The following ANKMY1 variants were observed in gnomAD, a reference collection of about 807,000 sequenced individuals.
ANKMY1 encodes the protein ankyrin repeat and MYND domain-containing protein 1.
Under a neutral mutation model 102.0 loss-of-function variants are expected in ANKMY1, and 98 were observed. The ratio of observed to expected loss-of-function variants is 0.96; its 90% CI spans 0.82 to 1.14. The LOEUF (loss-of-function observed/expected upper bound fraction) is 1.14. Among genes scored for constraint, ANKMY1 ranks in the 50% most tolerant of loss-of-function variants. The pLI, the probability that ANKMY1 is intolerant of heterozygous loss-of-function variation, is 0.00. For missense variants in ANKMY1, 1,330 were observed against 1,347.6 expected, an observed-to-expected ratio of 0.99 and a Z score of 0.20; for synonymous variants, 582 against 559.9, an observed-to-expected ratio of 1.04 and a Z score of -0.56.
Position 240,520,498 on chromosome 2 carries a change from A to T in ANKMY1, c.1868T>A (p.Leu623Gln), listed in dbSNP as rs999097400. The T allele has an allele frequency of 3.7e-6, 6 of 1,613,190 alleles. No individual in the cohort carries two copies. The highest frequency in any genetic ancestry group is 5.1e-6 in the Non-Finnish European group (6 of 1,179,680). ...RKRWRTIKLL[L>Q]RRGADPNLCC... ...CAGGTTGGGGTCCGCGCCCCGGCGC[A>T]GCAGCAGCTTGATGGTCCGCCAGCG... Residue 623 changes from leucine to glutamine, a missense_variant, in exon 9 of 18, where the codon CTG becomes CAG. Physicochemically the swap from Leu to Gln is moderately radical, Grantham distance 113. Transcript: ENST00000401804. The surrounding 1 kb of genome is among the most constrained non-coding windows in gnomAD (Gnocchi z 4.8).
rs372247005 is a variant in ANKMY1, at chr2:240,483,121, GT to G, written c.2807-861del. 6.1e-4 allele frequency among the ~76,000 whole-genome samples: 93 copies of G among 151,630 alleles called. No individual in the cohort carries two copies. In the East Asian group the frequency reaches 0.015, roughly 24 times the overall value. On this transcript the variant is annotated intron_variant, in intron 15 of 17. Coordinates refer to ENST00000401804, the MANE Select transcript of ANKMY1 (RefSeq NM_001282771.3). ...TCTTGTGATTGCTGTTCCCATGTTAGTTTTTCATCCTTTTACTTTGTCTGTT... is the reference window on the plus strand; with the variant it reads ...TCTTGTGATTGCTGTTCCCATGTTAGTTTTCATCCTTTTACTTTGTCTGTT...
In ANKMY1 at chr2:240,506,500, C is replaced by G. The variant is rs1412626557; in HGVS notation, c.2526+1060G>C. Among the ~76,000 whole-genome samples, 1 of 152,188 alleles carries G rather than the reference C, an allele frequency of 6.6e-6. No homozygotes were observed. The highest frequency in any genetic ancestry group is 6.5e-5 in the Admixed American group (1 of 15,290). ...GGAAGAAGGACAGGAGACTTAAAAT[C>G]AGATCTGGAAACAGCATCTCAAGAT... On this transcript the variant is annotated intron_variant, in intron 13 of 17. Coordinates refer to ENST00000401804, the MANE Select transcript of ANKMY1 (RefSeq NM_001282771.3). This position sits in a 1 kb window ranked among gnomAD's most constrained non-coding sequence, Gnocchi z 4.9.
Position 240,520,350 on chromosome 2 carries a change from C to T in ANKMY1, c.2004+12G>A, listed in dbSNP as rs763968364. On this transcript the variant is annotated intron_variant, in intron 9 of 17. Transcript: ENST00000401804. The surrounding 1 kb of genome is among the most constrained non-coding windows in gnomAD (Gnocchi z 4.8). ...TGCGCTCGTCCCGGCGCCCGCCCGCCGCGGCTCCTACCTGCGGCGGAAAGC... is the reference window on the plus strand; with the variant it reads ...TGCGCTCGTCCCGGCGCCCGCCCGCTGCGGCTCCTACCTGCGGCGGAAAGC... The T allele has an allele frequency of 6.5e-6, 10 of 1,526,988 alleles. No homozygotes were observed. The highest frequency in any genetic ancestry group is 8.8e-6 in the Non-Finnish European group (10 of 1,132,732). 94.6% of individuals were successfully genotyped at this position (1,526,988 alleles called of 1,614,324 possible).
At chr2:240,557,747 C>T (rs1265102660) in intron 1 of ANKMY1, 134 bp downstream of exon 1, 42 of 515,610 alleles carry the variant, frequency 8.1e-5, no homozygotes, top group Non-Finnish European at 1.1e-4. Context: ...GCCCACCTAA[C>T]CCCACGCCCC....
Position 240,511,791 on chromosome 2 carries a change from C to A in ANKMY1, c.2286+70G>T, listed in dbSNP as rs192916181. The stretch of plus-strand genomic sequence containing the variant: ...GCATGAGAACACATGCTTCCGGGGG[C>A]ACAAGGCCCTGGAAGGTGGCCCCAC... On this transcript the variant is annotated intron_variant, in intron 11 of 17. Coordinates refer to ENST00000401804, the MANE Select transcript of ANKMY1 (RefSeq NM_001282771.3). 19 of 1,488,946 alleles carry A rather than the reference C, an allele frequency of 1.3e-5. No individual in the cohort carries two copies. The East Asian group carries it at 4.3e-4, about 34-fold the overall frequency. The allele number at this position is 1,488,946 out of a possible 1,614,324, so 92.2% of individuals were successfully genotyped here. A position where few individuals can be genotyped will look rare whatever the true frequency, so the allele number is the denominator to read the frequency against.
At position 240,525,866 on chromosome 2, in the gene ANKMY1, C is replaced by T; in HGVS notation, c.1171-17G>A. 1.2e-6 allele frequency: 2 copies of T among 1,612,006 alleles called. No homozygotes were observed. Among genetic ancestry groups the T allele is most frequent in the South Asian group, 2.2e-5 (2 of 90,896 alleles). Reference sequence around the variant, plus strand: ...GCAGTGAGTCTGGAGGGAGATGAGGCAGGACTCAGGATGATGCACCTGGCC... The same window carrying T: ...GCAGTGAGTCTGGAGGGAGATGAGGTAGGACTCAGGATGATGCACCTGGCC... On this transcript the variant is annotated splice_polypyrimidine_tract_variant and intron_variant, in intron 6 of 17. Transcript: ENST00000401804.
At chr2:240,502,949 C>A (rs1034565191) in intron 13 of ANKMY1, among the ~76,000 whole-genome samples, 1 of 152,100 alleles carries the variant, frequency 6.6e-6, no homozygotes, top group African/African-American at 2.4e-5. Flanking sequence ...GGCATGCCCT[C>A]GGCTGCAGCT....
Position 240,557,981 on chromosome 2 carries a change from G to T in ANKMY1, c.-118C>A. On this transcript the variant is annotated 5_prime_UTR_variant, in exon 1 of 18. Coordinates refer to ENST00000401804, the MANE Select transcript of ANKMY1 (RefSeq NM_001282771.3). ...CCCGTCCCGACTGCTTGCCAGCCCT[G>T]CGCCTACGGAGAGCGTCGCGTTTCC... The T allele has an allele frequency of 1.0e-6, 1 of 985,604 alleles. No homozygotes were observed. The highest frequency in any genetic ancestry group is 1.2e-6 in the Non-Finnish European group (1 of 830,054). The allele number at this position is 985,604 out of a possible 1,614,324, so 61.1% of individuals were successfully genotyped here. A position where few individuals can be genotyped will look rare whatever the true frequency, so the allele number is the denominator to read the frequency against.
chr2:240,526,370 C>A lies in ANKMY1; in HGVS notation c.1029G>T (p.Gly343=), dbSNP rs2083401766. ...TCTCCATGGAAAGTTGCTCTTTGGG[C>A]CCACAGGGTGCAAAGCCACTGCGCT... ...EGKRSGFAPC[G]PKEQLSMEMI... is the part of the protein sequence containing the mutation. Residue 343 remains glycine, a synonymous_variant, in exon 6 of 18, where the codon GGG becomes GGT. Coordinates refer to ENST00000401804, the MANE Select transcript of ANKMY1 (RefSeq NM_001282771.3). The A allele has an allele frequency of 6.2e-7, 1 of 1,614,232 alleles. No homozygotes were observed. The highest frequency in any genetic ancestry group is 8.5e-7 in the Non-Finnish European group (1 of 1,180,042).
rs1026350844 is a variant in ANKMY1 at position 240,506,449 on chromosome 2, G to A, written c.2526+1111C>T. On this transcript the variant is annotated intron_variant, in intron 13 of 17. Coordinates refer to ENST00000401804, the MANE Select transcript of ANKMY1 (RefSeq NM_001282771.3). The surrounding 1 kb of genome is among the most constrained non-coding windows in gnomAD (Gnocchi z 4.9). ...AAACTGACTTCTGCGTCCTCACTTA[G>A]TCTATCCAGACAGAACAGGGTCTTA... Among the ~76,000 whole-genome samples, 1 of 152,132 alleles carries A rather than the reference G, an allele frequency of 6.6e-6. No individual in the cohort carries two copies. The highest frequency in any genetic ancestry group is 1.5e-5 in the Non-Finnish European group (1 of 68,032).
intron 13 of ANKMY1, among the ~76,000 whole-genome samples, chr2:240,504,523 T>C (rs1225897127): frequency 1.3e-5 from 2 of 152,078 alleles, no homozygotes; most frequent in African/African-American, 4.8e-5. Context: ...ATAAATTACA[T>C]ACCCGATAAG....
At chr2:240,525,887 T>C in intron 6 of ANKMY1, 38 bp from the exon 7 acceptor site, 2 of 1,605,260 alleles carry the variant, frequency 1.2e-6, no homozygotes, top group Non-Finnish European at 1.7e-6. Context: ...ATGATGCACC[T>C]GGCCCTCAGG....
intron 13 of ANKMY1, among the ~76,000 whole-genome samples, chr2:240,501,296 G>A (rs1051208593): frequency 6.6e-6 from 1 of 152,198 alleles, no homozygotes; most frequent in Non-Finnish European, 1.5e-5. Context: ...GTGCAAGTAT[G>A]CCTGACAAAT....
chr2:240,506,101 G>A lies in ANKMY1; in HGVS notation c.2526+1459C>T, dbSNP rs1387534111. 6.6e-6 allele frequency among the ~76,000 whole-genome samples: 1 copy of A among 151,502 alleles called. No individual in the cohort carries two copies. Among genetic ancestry groups the A allele is most frequent in the East Asian group, 1.9e-4 (1 of 5,162 alleles). On this transcript the variant is annotated intron_variant, in intron 13 of 17. Transcript: ENST00000401804. The surrounding 1 kb of genome is among the most constrained non-coding windows in gnomAD (Gnocchi z 4.9). The stretch of plus-strand genomic sequence containing the variant: ...CTAACCCTGGACGAGGTGCTGGGGA[G>A]CCCCCAACCCTGGACAAGTCGCTGG...
chr2:240,555,182 T>G (rs2092161465), intron 2 of ANKMY1, 127 bp from the exon 3 acceptor site: 1 of 974,418 alleles, frequency 1.0e-6, no homozygotes, highest in African/African-American at 1.6e-5. Flanking sequence ...CAGGTGCCGC[T>G]GCATCCCCAC....
chr2:240,552,209 G>A (rs1489111485), intron 4 of ANKMY1, among the ~76,000 whole-genome samples: 1 of 152,222 alleles, frequency 6.6e-6, no homozygotes, highest in African/African-American at 2.4e-5. Flanking sequence ...TCAGTGATGG[G>A]CTTTCTGTGC....
chr2:240,493,553 G>A (rs561451735), intron 15 of ANKMY1, among the ~76,000 whole-genome samples: 168 of 152,132 alleles, frequency 1.1e-3, no homozygotes, highest in South Asian at 7.9e-3. Context: ...GCTTCTCAGC[G>A]TGTGCAGTAG....
chr2:240,487,206 C>T (rs553813312), intron 15 of ANKMY1, among the ~76,000 whole-genome samples: 1 of 152,246 alleles, frequency 6.6e-6, no homozygotes, highest in South Asian at 2.1e-4. Context: ...TGTTTAGCTC[C>T]CACATATAAG....
Position 240,557,961 on chromosome 2 carries a change from C to G in ANKMY1, c.-98G>C, listed in dbSNP as rs1422175966. 42 of 985,578 alleles carry G rather than the reference C, an allele frequency of 4.3e-5. No homozygotes were observed. Among genetic ancestry groups the G allele is most frequent in the Non-Finnish European group, 5.1e-5 (42 of 830,118 alleles). The allele number at this position is 985,578 out of a possible 1,614,324, so 61.1% of individuals were successfully genotyped here. A position where few individuals can be genotyped will look rare whatever the true frequency, so the allele number is the denominator to read the frequency against. On this transcript the variant is annotated 5_prime_UTR_variant, in exon 1 of 18. Transcript: ENST00000401804. The stretch of plus-strand genomic sequence containing the variant: ...CCACCGCGGACGCCCGCGCTCCCGT[C>G]CCGACTGCTTGCCAGCCCTGCGCCT...
Sources: allele counts gnomAD v4.1 joint callset (sites outside exome capture counted in the v4.1 genomes callset), GRCh38; gene constraint gnomAD v4.1.1; non-coding constraint Gnocchi (gnomAD v3.1); transcripts MANE v1.5; gene names NCBI Gene and HGNC (gene_info 2026-07-23, HGNC 2026-07-21).